The following RBFOX1 variants were observed in gnomAD, a reference collection of about 807,000 sequenced individuals.
The protein encoded by RBFOX1 is RNA binding protein fox-1 homolog 1.
RBFOX1 carries 8 observed loss-of-function variants against 57.7 expected under a neutral mutation model. The observed-to-expected ratio is 0.14, with a 90% CI of 0.08 to 0.25. The LOEUF (loss-of-function observed/expected upper bound fraction) is 0.25. Among genes scored for constraint, RBFOX1 ranks in the 10% least tolerant of loss-of-function variants. RBFOX1 has a pLI of 1.00. For synonymous variants in RBFOX1, 326 were observed against 222.4 expected (o/e 1.47, Z -4.15); for missense variants, 611 against 548.5 (o/e 1.11, Z -1.14).
intron 8 of RBFOX1, 76 bp from the exon 9 acceptor site, chr16:7,597,295 G>C: frequency 1.8e-6 from 2 of 1,085,312 alleles, no homozygotes; most frequent in Non-Finnish European, 2.7e-6. Context: ...AGTAATCACG[G>C]TCATAATGCA....
intron 2 of RBFOX1, among the ~76,000 whole-genome samples, chr16:6,600,842 G>T (rs772965353): frequency 6.6e-6 from 1 of 152,166 alleles, no homozygotes; most frequent in Non-Finnish European, 1.5e-5. Flanking sequence ...CCCTTTAGAG[G>T]AACGTAAATG....
At chr16:5,355,514 G>A (rs747774393) in intron 1 of RBFOX1, among the ~76,000 whole-genome samples, 19 of 152,170 alleles carry the variant, frequency 1.2e-4, no homozygotes, top group Non-Finnish European at 2.4e-4. Flanking sequence ...CTGAAGCTGG[G>A]TTTAAAAATG....
At chr16:5,382,421 A>G (rs574962969) in intron 1 of RBFOX1, among the ~76,000 whole-genome samples, 1 of 152,038 alleles carries the variant, frequency 6.6e-6, no homozygotes, top group African/African-American at 2.4e-5. Context: ...GATGTTGCCA[A>G]CACTATTTTT....
At chr16:7,121,540 A>G (rs2067184204) in intron 4 of RBFOX1, among the ~76,000 whole-genome samples, 1 of 152,092 alleles carries the variant, frequency 6.6e-6, no homozygotes, top group Non-Finnish European at 1.5e-5. Context: ...GCTGAAAACT[A>G]TAAAGTATTT....
At chr16:5,668,669 C>G (rs993399919) in intron 3 of RBFOX1, among the ~76,000 whole-genome samples, 3 of 152,186 alleles carry the variant, frequency 2.0e-5, no homozygotes, top group Non-Finnish European at 2.9e-5. Flanking sequence ...TTCTTCCTCT[C>G]CTTTCCCCTA....
intron 3 of RBFOX1, among the ~76,000 whole-genome samples, chr16:5,809,745 A>T (rs1302960833): frequency 6.6e-6 from 1 of 152,226 alleles, no homozygotes; most frequent in African/African-American, 2.4e-5. Flanking sequence ...AACTAGTTCA[A>T]CCATTGTGGA....
intron 4 of RBFOX1, among the ~76,000 whole-genome samples, chr16:7,080,078 C>CA (rs1190632660): frequency 4.2e-5 from 5 of 119,696 alleles, no homozygotes; most frequent in African/African-American, 1.2e-4. Context: ...TACATATATA[C>CA]ATATGTATAT....
intron 2 of RBFOX1, among the ~76,000 whole-genome samples, chr16:5,507,192 C>T (rs561756362): frequency 2.0e-5 from 3 of 152,226 alleles, no homozygotes; most frequent in South Asian, 2.1e-4. Context: ...AGAATGATGC[C>T]TGGCACCGAA....
intron 4 of RBFOX1, among the ~76,000 whole-genome samples, chr16:7,393,754 G>A (rs923039972): frequency 2.0e-5 from 3 of 152,192 alleles, no homozygotes; most frequent in South Asian, 2.1e-4. Context: ...CCCCCAGGAA[G>A]GGGTGGTAGC....
At chr16:5,467,786 G>T (rs1048127418) in intron 2 of RBFOX1, among the ~76,000 whole-genome samples, 2 of 152,174 alleles carry the variant, frequency 1.3e-5, no homozygotes, top group African/African-American at 4.8e-5. Flanking sequence ...ATGGCCCTTG[G>T]ATAGAGGAAG....
At chr16:5,260,098 G>A (rs1450626136) in intron 1 of RBFOX1, among the ~76,000 whole-genome samples, 1 of 152,204 alleles carries the variant, frequency 6.6e-6, no homozygotes, top group East Asian at 1.9e-4. Flanking sequence ...CTACGTGGGA[G>A]GCTGAGGCAG....
intron 1 of RBFOX1, among the ~76,000 whole-genome samples, chr16:6,210,361 C>CAAAAAAAAAAAAAAAAAAAAAA (rs3064933): frequency 6.5e-5 from 4 of 61,454 alleles, no homozygotes; most frequent in Non-Finnish European, 1.0e-4. Context: ...AAAAAAACAC[C>CAAAAAAAAAAAAAAAAAAAAAA]AAAAAAAAAA....
At chr16:6,562,181 C>G (rs1335930795) in intron 2 of RBFOX1, among the ~76,000 whole-genome samples, 1 of 152,162 alleles carries the variant, frequency 6.6e-6, no homozygotes, top group Non-Finnish European at 1.5e-5. Context: ...GAGTTTGTGG[C>G]TCTGGAATCA....
intron 3 of RBFOX1, among the ~76,000 whole-genome samples, chr16:6,679,067 C>G (rs1165159277): frequency 6.6e-6 from 1 of 152,104 alleles, no homozygotes; most frequent in African/African-American, 2.4e-5. Context: ...CTAACCCTTG[C>G]TAATCTTTTT....
At chr16:6,969,717 C>G (rs753474593) in intron 3 of RBFOX1, among the ~76,000 whole-genome samples, 2 of 152,070 alleles carry the variant, frequency 1.3e-5, no homozygotes, top group African/African-American at 2.4e-5. Context: ...TCACTCCAGC[C>G]TGGGTGACAG....
At chr16:7,495,293 C>A (rs2068256651) in intron 4 of RBFOX1, among the ~76,000 whole-genome samples, 1 of 152,188 alleles carries the variant, frequency 6.6e-6, no homozygotes. Flanking sequence ...GTGCAGGTGT[C>A]TTTCTGAGAT....
At chr16:5,559,474 A>G (rs979348417) in intron 2 of RBFOX1, among the ~76,000 whole-genome samples, 1 of 152,172 alleles carries the variant, frequency 6.6e-6, no homozygotes, top group East Asian at 1.9e-4. Flanking sequence ...ACAAGGCTAC[A>G]GTGTTTTTGC....
chr16:5,900,396 AG>A (rs2058278227), intron 4 of RBFOX1, among the ~76,000 whole-genome samples: 1 of 152,206 alleles, frequency 6.6e-6, no homozygotes, highest in Non-Finnish European at 1.5e-5. Context: ...GCCAAAAGGA[AG>A]GGGGAAAAAA....
chr16:7,575,990 G>A (rs1197822904), intron 5 of RBFOX1, among the ~76,000 whole-genome samples: 1 of 152,126 alleles, frequency 6.6e-6, no homozygotes, highest in Admixed American at 6.5e-5. Context: ...CTGGAGTGCA[G>A]TGGCATGATC....
Sources: allele counts gnomAD v4.1 joint callset (sites outside exome capture counted in the v4.1 genomes callset), GRCh38; gene constraint gnomAD v4.1.1; transcripts MANE v1.5; gene names NCBI Gene and HGNC (gene_info 2026-07-23, HGNC 2026-07-21).